KDM3B: variants seen among roughly 807,000 people sequenced by gnomAD.
KDM3B encodes lysine-specific demethylase 3B.
A neutral mutation model predicts 170.0 loss-of-function variants in KDM3B; 10 were observed. The observed-to-expected ratio is 0.06, with a 90% CI of 0.04 to 0.10. KDM3B has a LOEUF of 0.10. KDM3B is among the 10% of genes least tolerant of loss of function. The probability of loss-of-function intolerance (pLI) is 1.00; values close to 1 mark genes in which losing one functional copy is unlikely to be tolerated. For synonymous variants in KDM3B, 831 were observed against 834.8 expected, an observed-to-expected ratio of 1.00 and a Z score of 0.08; for missense variants, 1,394 against 2,195.2, an observed-to-expected ratio of 0.64 and a Z score of 7.29.
chr5:138,397,208 G>A (rs1412721595), intron 9 of KDM3B, among the ~76,000 whole-genome samples: 2 of 152,078 alleles, frequency 1.3e-5, no homozygotes, highest in Non-Finnish European at 2.9e-5. Context: ...GGTGGCAGGC[G>A]CCTGTAGTTC....
At chr5:138,414,847 C>T (rs1232798467) in intron 11 of KDM3B, among the ~76,000 whole-genome samples, 1 of 152,150 alleles carries the variant, frequency 6.6e-6, no homozygotes, top group Non-Finnish European at 1.5e-5. Context: ...GTTCCAGCTA[C>T]TTTGCAGGCT....
At position 138,386,018 on chromosome 5, in the gene KDM3B, G is replaced by A. The variant is rs764281280; in HGVS notation, c.781-4G>A. The A allele has an allele frequency of 5.0e-6, 8 of 1,588,268 alleles. No individual in the cohort carries two copies. The South Asian group carries it at 8.0e-5, about 16-fold the overall frequency. ...TGTAATCTTTTTTGAATTTTGTTTT[G>A]TAGGGGGGTACGTTAAAAGCAGTAA... On this transcript the variant is annotated splice_polypyrimidine_tract_variant and splice_region_variant and intron_variant, in intron 6 of 23. Coordinates refer to ENST00000314358, the MANE Select transcript of KDM3B (RefSeq NM_016604.4).
chr5:138,366,790 T>G (rs1162388312), intron 1 of KDM3B, among the ~76,000 whole-genome samples: 1 of 152,232 alleles, frequency 6.6e-6, no homozygotes, highest in Non-Finnish European at 1.5e-5. Flanking sequence ...ATAGTGGGCA[T>G]TGGCAGCTGC....
rs189929217 is a variant in KDM3B at position 138,396,755 on chromosome 5, C to T, written c.2832-1423C>T. ...AGTGGAATAGAAAACAAGGTCCTCA[C>T]AGGGGAAGTAATATTGGAGGTATGA... On this transcript the variant is annotated intron_variant, in intron 9 of 23. Transcript: ENST00000314358. Among the ~76,000 whole-genome samples, 29 of 151,378 alleles carry T rather than the reference C, an allele frequency of 1.9e-4. No individual in the cohort carries two copies. The East Asian group carries it at 5.3e-3, about 28-fold the overall frequency.
intron 7 of KDM3B, among the ~76,000 whole-genome samples, chr5:138,388,744 G>A (rs949262933): frequency 2.6e-5 from 4 of 151,466 alleles, no homozygotes; most frequent in Middle Eastern, 3.2e-3. Context: ...CCTGGGAGGC[G>A]GAGATTGCAG....
rs1202561523 is a variant in KDM3B, at chr5:138,419,664, A to AT, written c.3715+432_3715+433insT. 1.9e-3 allele frequency among the ~76,000 whole-genome samples: 225 copies of AT among 117,344 alleles called. 2 individuals carry two copies. The highest frequency in any genetic ancestry group is 6.2e-3 in the African/African-American group (197 of 31,744). 77.0% of individuals were successfully genotyped at this position (117,344 alleles called of 152,430 possible). The stretch of plus-strand genomic sequence containing the variant: ...CAAGACTCTGTCTCAAAAAAAAAAA[A>AT]AAAAATATATATATATATATATATA... On this transcript the variant is annotated intron_variant, in intron 14 of 23. Coordinates refer to ENST00000314358, the MANE Select transcript of KDM3B (RefSeq NM_016604.4).
At chr5:138,410,218 A>G (rs1762927303) in intron 11 of KDM3B, among the ~76,000 whole-genome samples, 2 of 152,246 alleles carry the variant, frequency 1.3e-5, no homozygotes. Flanking sequence ...AGAAATTGAC[A>G]AGGCGGTTCT....
intron 21 of KDM3B, 119 bp from the exon 22 acceptor site, chr5:138,430,130 G>A: frequency 2.2e-6 from 3 of 1,364,296 alleles, no homozygotes; most frequent in South Asian, 2.8e-5. Flanking sequence ...CCTAGAGGAT[G>A]TTGACTAGAA....
chr5:138,411,825 G>A (rs1245068388), intron 11 of KDM3B, among the ~76,000 whole-genome samples: 3 of 149,804 alleles, frequency 2.0e-5, no homozygotes, highest in African/African-American at 2.4e-5. Context: ...TCAGCCTCCC[G>A]AGCAGCCAGG....
intron 9 of KDM3B, 92 bp from the exon 10 acceptor site, chr5:138,398,086 T>C (rs1248791676): frequency 2.5e-5 from 23 of 929,304 alleles, no homozygotes; most frequent in Non-Finnish European, 3.8e-5. Flanking sequence ...ATTCCTGTTG[T>C]CTCATTTTAC....
intron 12 of KDM3B, among the ~76,000 whole-genome samples, chr5:138,416,116 T>C (rs1247577871): frequency 1.3e-5 from 2 of 151,642 alleles, no homozygotes; most frequent in African/African-American, 2.4e-5. Flanking sequence ...CTTGAATCCA[T>C]GAGGAAGACA....
intron 4 of KDM3B, 57 bp downstream of exon 4, chr5:138,377,882 G>C (rs962670784): frequency 7.9e-7 from 1 of 1,269,306 alleles, no homozygotes; most frequent in Admixed American, 1.7e-5. Flanking sequence ...GATCACTGTT[G>C]AGTGATAGTA....
chr5:138,427,599 T>A (rs140611468), intron 19 of KDM3B, among the ~76,000 whole-genome samples: 23 of 152,270 alleles, frequency 1.5e-4, no homozygotes, highest in African/African-American at 5.5e-4. Flanking sequence ...ATAAGAGACT[T>A]GACAGAATAA....
intron 1 of KDM3B, among the ~76,000 whole-genome samples, chr5:138,361,410 A>C (rs979680381): frequency 6.6e-6 from 1 of 151,930 alleles, no homozygotes; most frequent in Admixed American, 6.6e-5. Context: ...TCTCTAACCA[A>C]ACTCTGGAGA....
chr5:138,400,116 T>C, intron 11 of KDM3B, 104 bp downstream of exon 11: 2 of 1,118,876 alleles, frequency 1.8e-6, no homozygotes, highest in Non-Finnish European at 2.6e-6. Flanking sequence ...TGCCTCTCTT[T>C]AGCTGCTTGG....
intron 6 of KDM3B, among the ~76,000 whole-genome samples, chr5:138,382,535 C>T (rs1054396840): frequency 5.9e-5 from 9 of 152,160 alleles, no homozygotes; most frequent in Non-Finnish European, 1.0e-4. Flanking sequence ...ACCAGCTGTC[C>T]ACATATTCCT....
intron 1 of KDM3B, among the ~76,000 whole-genome samples, chr5:138,361,114 T>C (rs1761597888): frequency 6.6e-6 from 1 of 152,226 alleles, no homozygotes; most frequent in Admixed American, 6.5e-5. Context: ...CTATATAGGC[T>C]TTGCTTCCAC....
At chr5:138,397,300 A>C (rs951683748) in intron 9 of KDM3B, among the ~76,000 whole-genome samples, 94 of 152,008 alleles carry the variant, frequency 6.2e-4, no homozygotes, top group African/African-American at 2.2e-3. Flanking sequence ...GCACCACTGC[A>C]CTCCATCCTG....
At chr5:138,384,301 T>C (rs372822350) in intron 6 of KDM3B, among the ~76,000 whole-genome samples, 2 of 150,020 alleles carry the variant, frequency 1.3e-5, no homozygotes, top group African/African-American at 4.9e-5. Flanking sequence ...ATAAAGTTCT[T>C]GAATGAAAGG....
Sources: gnomAD v4.1 joint callset for allele counts (sites outside exome capture counted in the v4.1 genomes callset) on GRCh38, gnomAD v4.1.1 for gene constraint, MANE v1.5 for transcripts, NCBI Gene and HGNC (gene_info 2026-07-23, HGNC 2026-07-21) for gene names.